Variants in GRIK2 observed in about 807,000 individuals in gnomAD.
The protein encoded by GRIK2 is glutamate receptor ionotropic, kainate 2.
Under a neutral mutation model 100.3 loss-of-function variants are expected in GRIK2, and 32 were observed. The ratio of observed to expected loss-of-function variants is 0.32; its 90% CI spans 0.24 to 0.43. The LOEUF (loss-of-function observed/expected upper bound fraction) is 0.43. GRIK2 is among the 20% of genes least tolerant of loss of function. The probability of loss-of-function intolerance (pLI) is 1.00; values close to 1 mark genes in which losing one functional copy is unlikely to be tolerated. For missense variants in GRIK2, 843 were observed against 1,114.9 expected (o/e 0.76, Z 3.47); for synonymous variants, 417 against 389.4 (o/e 1.07, Z -0.83).
At chr6:101,913,859 T>C (rs1788919507) in intron 12 of GRIK2, among the ~76,000 whole-genome samples, 1 of 151,470 alleles carries the variant, frequency 6.6e-6, no homozygotes, top group Admixed American at 6.6e-5. Context: ...TAGAGCATAG[T>C]AGAAAAAATG....
chr6:101,793,103 A>G (rs111697580), intron 7 of GRIK2, among the ~76,000 whole-genome samples: 3,886 of 152,168 alleles, frequency 0.026, 170 homozygotes, highest in African/African-American at 0.088. Context: ...CTATTTATAC[A>G]TTCGTCTAAA....
chr6:101,879,209 C>T (rs1786075322), intron 11 of GRIK2, among the ~76,000 whole-genome samples: 1 of 151,980 alleles, frequency 6.6e-6, no homozygotes, highest in Non-Finnish European at 1.5e-5. Context: ...GAAAAGAGTA[C>T]AATATTCCAT....
chr6:102,066,802 T>A (rs1480401404), intron 16 of GRIK2, among the ~76,000 whole-genome samples: 2 of 151,696 alleles, frequency 1.3e-5, no homozygotes, highest in Non-Finnish European at 2.9e-5. Flanking sequence ...ATTGATATTT[T>A]AAAAATAGAT....
chr6:101,649,770 G>T (rs1004414886), intron 4 of GRIK2, among the ~76,000 whole-genome samples: 7 of 152,064 alleles, frequency 4.6e-5, no homozygotes, highest in African/African-American at 1.7e-4. Flanking sequence ...AATTAGACCA[G>T]GTGCCAGCTA....
chr6:101,485,429 A>AT (rs1772767704), intron 2 of GRIK2, among the ~76,000 whole-genome samples: 1 of 152,072 alleles, frequency 6.6e-6, no homozygotes, highest in African/African-American at 2.4e-5. Context: ...AAGCATAAAT[A>AT]TTTTTCTTTA....
intron 2 of GRIK2, among the ~76,000 whole-genome samples, chr6:101,530,721 G>A (rs1047819793): frequency 3.3e-5 from 5 of 151,922 alleles, no homozygotes; most frequent in African/African-American, 1.2e-4. Flanking sequence ...GAAATTTTTG[G>A]TGACTGACAC....
At chr6:101,943,185 G>A (rs1477807766) in intron 14 of GRIK2, among the ~76,000 whole-genome samples, 1 of 152,214 alleles carries the variant, frequency 6.6e-6, no homozygotes, top group Admixed American at 6.5e-5. Flanking sequence ...AACCTTGGCA[G>A]CTTCCATGTG....
intron 2 of GRIK2, among the ~76,000 whole-genome samples, chr6:101,572,971 T>C (rs890618322): frequency 2.5e-4 from 38 of 151,824 alleles, no homozygotes; most frequent in African/African-American, 8.4e-4. Flanking sequence ...CTCAGCCTCC[T>C]GAGTAGCTGG....
At chr6:101,566,041 T>C (rs1191927412) in intron 2 of GRIK2, among the ~76,000 whole-genome samples, 1 of 150,310 alleles carries the variant, frequency 6.7e-6, no homozygotes, top group Non-Finnish European at 1.5e-5. Context: ...AGTGGATCAT[T>C]GTAAAGGTTC....
intron 14 of GRIK2, among the ~76,000 whole-genome samples, chr6:101,978,320 T>C (rs997973113): frequency 6.6e-6 from 1 of 151,932 alleles, no homozygotes; most frequent in Non-Finnish European, 1.5e-5. Flanking sequence ...TTATAAAGAG[T>C]TTTAAGAATA....
chr6:102,052,726 A>G (rs1308760108), intron 15 of GRIK2, among the ~76,000 whole-genome samples: 1 of 152,182 alleles, frequency 6.6e-6, no homozygotes, highest in African/African-American at 2.4e-5. Context: ...AGAATTTTCT[A>G]TATTTGAAAG....
At position 101,479,643 on chromosome 6, in the gene GRIK2, A is replaced by G. The variant is rs147806332; in HGVS notation, c.115+80251A>G. On this transcript the variant is annotated intron_variant, in intron 2 of 16. Transcript: ENST00000369134. ...CAACTCTTTTCTTGCTTACTGGAAC[A>G]ATAAGTAGATTATCAATATGAATGT... Among the ~76,000 whole-genome samples, 89 of 152,282 alleles carry G rather than the reference A, an allele frequency of 5.8e-4. 1 individual carries two copies. In the East Asian group the frequency reaches 0.013, roughly 22 times the overall value.
chr6:101,822,232 A>G (rs1362986088), intron 10 of GRIK2, among the ~76,000 whole-genome samples: 1 of 151,636 alleles, frequency 6.6e-6, no homozygotes, highest in African/African-American at 2.4e-5. Flanking sequence ...ACACACACAC[A>G]CACACACACA....
intron 2 of GRIK2, among the ~76,000 whole-genome samples, chr6:101,449,012 A>T (rs1270239158): frequency 6.6e-6 from 1 of 151,668 alleles, no homozygotes; most frequent in East Asian, 1.9e-4. Context: ...ACTGGAAAGA[A>T]ATACATCCAT....
chr6:101,764,468 G>C (rs1777923115), intron 7 of GRIK2, among the ~76,000 whole-genome samples: 1 of 152,018 alleles, frequency 6.6e-6, no homozygotes, highest in African/African-American at 2.4e-5. Context: ...AGAGAGATGA[G>C]AAAGTGAAAA....
Position 101,621,932 on chromosome 6 carries a change from CTCTT to C in GRIK2, c.116-11_116-8del. On this transcript the variant is annotated splice_polypyrimidine_tract_variant and intron_variant, in intron 2 of 16. Coordinates refer to ENST00000369134, the MANE Select transcript of GRIK2 (RefSeq NM_021956.5). ...TATTCTTGTAAAATTTATGATTTTTCTCTTTCTTTTTGCCAGGTGGTATTTTTGA... is the reference window on the plus strand; with the variant it reads ...TATTCTTGTAAAATTTATGATTTTTCTCTTTTTGCCAGGTGGTATTTTTGA... 8 of 1,558,066 alleles carry C rather than the reference CTCTT, an allele frequency of 5.1e-6. No homozygotes were observed. The highest frequency in any genetic ancestry group is 7.1e-6 in the Non-Finnish European group (8 of 1,132,098).
intron 2 of GRIK2, among the ~76,000 whole-genome samples, chr6:101,610,708 G>A (rs2210968): frequency 0.3 from 46,014 of 151,614 alleles, 7,263 homozygotes; most frequent in East Asian, 0.37. Context: ...CAGAAGAGAT[G>A]ATGGAGGTCT....
intron 2 of GRIK2, among the ~76,000 whole-genome samples, chr6:101,437,005 T>C (rs1394076259): frequency 1.3e-5 from 2 of 151,126 alleles, no homozygotes; most frequent in Admixed American, 6.6e-5. Flanking sequence ...AAAATAATTT[T>C]AGAGTTCAAT....
intron 5 of GRIK2, among the ~76,000 whole-genome samples, chr6:101,682,188 A>G (rs899264236): frequency 3.9e-5 from 6 of 152,218 alleles, no homozygotes; most frequent in African/African-American, 1.4e-4. Context: ...ATTGTTCATT[A>G]AAATAAAATG....
Sources: gnomAD v4.1 joint callset for allele counts (sites outside exome capture counted in the v4.1 genomes callset) on GRCh38, gnomAD v4.1.1 for gene constraint, MANE v1.5 for transcripts, NCBI Gene and HGNC (gene_info 2026-07-23, HGNC 2026-07-21) for gene names.